Variants in VPS53 observed in about 807,000 individuals in gnomAD.
VPS53 encodes VPS53 subunit of GARP complex, also known as vacuolar protein sorting-associated protein 53 homolog.
Under a neutral mutation model 107.0 loss-of-function variants are expected in VPS53, and 70 were observed. The observed-to-expected ratio is 0.65, with a 90% CI of 0.54 to 0.80. The LOEUF is 0.80. VPS53 is among the 30% of genes least tolerant of loss of function. VPS53 has a pLI of 0.00. For synonymous variants in VPS53, 409 were observed against 393.3 expected, an observed-to-expected ratio of 1.04 and a Z score of -0.47; for missense variants, 917 against 1,049.4, an observed-to-expected ratio of 0.87 and a Z score of 1.74.
chr17:637,375 G>C (rs1970240757), intron 7 of VPS53, among the ~76,000 whole-genome samples: 1 of 152,060 alleles, frequency 6.6e-6, no homozygotes, highest in Admixed American at 6.6e-5. Context: ...CCAGCTCCTG[G>C]ATTCATTGAT....
In VPS53 at chr17:623,690, A is replaced by G. The variant is rs1248085934; in HGVS notation, c.975-16T>C. 1 of 1,603,150 alleles carries G rather than the reference A, an allele frequency of 6.2e-7. No individual in the cohort carries two copies. Among genetic ancestry groups the G allele is most frequent in the South Asian group, 1.1e-5 (1 of 90,458 alleles). On this transcript the variant is annotated splice_polypyrimidine_tract_variant and intron_variant, in intron 10 of 21. Coordinates refer to ENST00000437048, the MANE Select transcript of VPS53 (RefSeq NM_001128159.3). Reference sequence around the variant, plus strand: ...AAGTTCTGCCCTTCAAAACAAAGAGATAAGAATACTATCAAACAAGCTGAT... The same window carrying G: ...AAGTTCTGCCCTTCAAAACAAAGAGGTAAGAATACTATCAAACAAGCTGAT...
intron 4 of VPS53, among the ~76,000 whole-genome samples, chr17:673,213 A>G (rs1972035402): frequency 6.6e-6 from 1 of 151,970 alleles, no homozygotes; most frequent in African/African-American, 2.4e-5. Context: ...GTGCTACCAC[A>G]TCTGATAAGC....
rs1192483415 is a variant in VPS53 at position 529,102 on chromosome 17, A to G, written c.2085+3740T>C. ...GCAAAGGTCAAGATTTTTTTCCGAT[A>G]TGGATATCCAATTACCCAGCACTAT... On this transcript the variant is annotated intron_variant, in intron 19 of 21. Transcript: ENST00000437048. Among the ~76,000 whole-genome samples, 4 of 152,140 alleles carry G rather than the reference A, an allele frequency of 2.6e-5. No individual in the cohort carries two copies. The South Asian group carries it at 6.2e-4, about 24-fold the overall frequency.
chr17:674,895 G>A (rs1206202624), intron 4 of VPS53: 2 of 152,212 alleles, frequency 1.3e-5, no homozygotes, highest in East Asian at 3.8e-4. Flanking sequence ...TGTAAAATGG[G>A]GAGAACAGCA....
intron 11 of VPS53, among the ~76,000 whole-genome samples, chr17:610,237 G>C (rs914898288): frequency 3.8e-4 from 58 of 151,106 alleles, no homozygotes; most frequent in African/African-American, 1.3e-3. Context: ...AAAAACTAAG[G>C]GTCCTACGAG....
At chr17:713,723 A>C (rs1425973901) in intron 1 of VPS53, among the ~76,000 whole-genome samples, 2 of 151,788 alleles carry the variant, frequency 1.3e-5, no homozygotes, top group Admixed American at 1.3e-4. Context: ...TTAAAAACTC[A>C]ATAAACTTGC....
rs1218597160 is a variant in VPS53 at position 544,738 on chromosome 17, C to T, written c.1866+7134G>A. On this transcript the variant is annotated intron_variant, in intron 17 of 21. Coordinates refer to ENST00000437048, the MANE Select transcript of VPS53 (RefSeq NM_001128159.3). Reference sequence around the variant, plus strand: ...TGGGTTCCAATTCCTGGTAAGTGCTCAGTAAATAGTAACTTATTATCAACT... The same window carrying T: ...TGGGTTCCAATTCCTGGTAAGTGCTTAGTAAATAGTAACTTATTATCAACT... Among the ~76,000 whole-genome samples, 7 of 152,280 alleles carry T rather than the reference C, an allele frequency of 4.6e-5. No homozygotes were observed. In the South Asian group the frequency reaches 1.5e-3, roughly 32 times the overall value.
intron 4 of VPS53, 71 bp downstream of exon 4, chr17:697,347 G>A (rs766992332): frequency 3.6e-5 from 46 of 1,272,118 alleles, no homozygotes; most frequent in Admixed American, 5.1e-5. Flanking sequence ...AGGGCACATC[G>A]ACGTTTTGGT....
At chr17:700,889 C>G (rs1415377400) in intron 2 of VPS53, among the ~76,000 whole-genome samples, 1 of 152,122 alleles carries the variant, frequency 6.6e-6, no homozygotes, top group African/African-American at 2.4e-5. Context: ...AGGCCAGGTG[C>G]CTTCCAGGAG....
rs532815685 is a variant in VPS53 at position 586,410 on chromosome 17, CA to C, written c.1219-47del. On this transcript the variant is annotated intron_variant, in intron 12 of 21. Coordinates refer to ENST00000437048, the MANE Select transcript of VPS53 (RefSeq NM_001128159.3). The stretch of plus-strand genomic sequence containing the variant: ...AAACCCCATACTTGAGTGATCTTTG[CA>C]AATGTTCAAGAATTTTTTTAAAAAC... 273 of 1,566,100 alleles carry C rather than the reference CA, an allele frequency of 1.7e-4. 1 individual carries two copies. The South Asian group carries it at 2.9e-3, about 17-fold the overall frequency.
chr17:631,351 G>A (rs1969952009), intron 8 of VPS53, among the ~76,000 whole-genome samples, 199 bp downstream of exon 8: 1 of 151,896 alleles, frequency 6.6e-6, no homozygotes, highest in South Asian at 2.1e-4. Context: ...TCTGAGGCTG[G>A]AAGGAAACAG....
chr17:637,100 T>C (rs1273676396), intron 7 of VPS53, among the ~76,000 whole-genome samples: 1 of 152,198 alleles, frequency 6.6e-6, no homozygotes, highest in Non-Finnish European at 1.5e-5. Context: ...TCAGAGCCTG[T>C]TATTGGTCTA....
chr17:556,921 G>C (rs113795996), intron 15 of VPS53, among the ~76,000 whole-genome samples: 1 of 107,192 alleles, frequency 9.3e-6, no homozygotes, highest in Non-Finnish European at 2.2e-5. Context: ...CTGAAGGGGG[G>C]TGGCCAGGAG....
At chr17:558,721 C>T (rs1912670943) in intron 15 of VPS53, among the ~76,000 whole-genome samples, 1 of 151,590 alleles carries the variant, frequency 6.6e-6, no homozygotes, top group South Asian at 2.1e-4. Flanking sequence ...CACAGGGGCT[C>T]ACACCTGTAA....
At chr17:543,046 C>A (rs1017002237) in intron 17 of VPS53, among the ~76,000 whole-genome samples, 1 of 151,406 alleles carries the variant, frequency 6.6e-6, no homozygotes, top group African/African-American at 2.4e-5. Context: ...TGGGAAAAAT[C>A]TTTTTTATGA....
At chr17:584,179 G>C (rs1471648952) in intron 13 of VPS53, among the ~76,000 whole-genome samples, 1 of 152,198 alleles carries the variant, frequency 6.6e-6, no homozygotes, top group Non-Finnish European at 1.5e-5. Context: ...GGTCCCTTCC[G>C]AGTGCGTTCT....
intron 5 of VPS53, 56 bp from the exon 6 acceptor site, chr17:656,009 C>T: frequency 6.9e-7 from 1 of 1,457,420 alleles, no homozygotes; most frequent in Non-Finnish European, 9.5e-7. Flanking sequence ...AGATGTAAAA[C>T]ACTTCTGCAA....
intron 7 of VPS53, among the ~76,000 whole-genome samples, chr17:640,552 G>A (rs942326002): frequency 7.9e-5 from 12 of 151,916 alleles, no homozygotes; most frequent in African/African-American, 1.7e-4. Flanking sequence ...TGCCTATGTC[G>A]CCATGTTCTT....
At chr17:646,447 G>A (rs1424324809) in intron 7 of VPS53, among the ~76,000 whole-genome samples, 1 of 134,034 alleles carries the variant, frequency 7.5e-6, no homozygotes, top group Non-Finnish European at 1.7e-5. Context: ...CTGGAGATTG[G>A]CTCCCACACA....
Sources: gnomAD v4.1 joint callset for allele counts (sites outside exome capture counted in the v4.1 genomes callset) on GRCh38, gnomAD v4.1.1 for gene constraint, MANE v1.5 for transcripts, NCBI Gene and HGNC (gene_info 2026-07-23, HGNC 2026-07-21) for gene names.